Variants in CYFIP1 observed in about 807,000 individuals in gnomAD.
CYFIP1 encodes the protein cytoplasmic FMR1 interacting protein 1, also known as cytoplasmic FMR1-interacting protein 1.
CYFIP1 carries 58 observed loss-of-function variants against 163.5 expected under a neutral mutation model. The ratio of observed to expected loss-of-function variants is 0.35; its 90% CI spans 0.29 to 0.44. The LOEUF (loss-of-function observed/expected upper bound fraction) is 0.44. Among genes scored for constraint, CYFIP1 ranks in the 20% least tolerant of loss-of-function variants. The probability of loss-of-function intolerance (pLI) is 1.00; values close to 1 mark genes in which losing one functional copy is unlikely to be tolerated. For missense variants in CYFIP1, 1,338 were observed against 1,653.8 expected (o/e 0.81, Z 3.31); for synonymous variants, 663 against 660.7 (o/e 1.00, Z -0.05).
At chr15:22,876,100 G>C (rs943844489) in intron 26 of CYFIP1, among the ~76,000 whole-genome samples, 2 of 151,580 alleles carry the variant, frequency 1.3e-5, no homozygotes, top group Admixed American at 1.3e-4. Context: ...CAGTGCCTCC[G>C]ACCCCACAGC....
rs371128814 is a variant in CYFIP1, at chr15:22,873,667, G to A, written c.3273C>T (p.Ser1091=). ...LTKERLCCGL[S]MFEVILTRIR... is the part of the protein sequence containing the mutation. ...TCCGTGTCAGGATGACCTCAAACAT[G>A]GACAGGCCGCAGCAGAGGCGCTCCT... The change falls in exon 29 of 31, where the codon TCC becomes TCT. Residue 1091 remains serine, a synonymous_variant. Coordinates refer to ENST00000617928, the MANE Select transcript of CYFIP1 (RefSeq NM_014608.6). 9.3e-6 allele frequency: 15 copies of A among 1,614,240 alleles called. No homozygotes were observed. The highest frequency in any genetic ancestry group is 6.7e-5 in the Admixed American group (4 of 60,034).
rs569661842 is a variant in CYFIP1 at position 22,882,662 on chromosome 15, C to T, written c.2820+206G>A. Among the ~76,000 whole-genome samples, 19 of 152,212 alleles carry T rather than the reference C, an allele frequency of 1.2e-4. 1 individual carries two copies. Among genetic ancestry groups the T allele is most frequent in the Admixed American group, 1.0e-3 (16 of 15,296 alleles). Reference sequence around the variant, plus strand: ...TCTACACATACAAATAAAAACTCTGCGTATCAGTTAAAATAACCTGGACCC... The same window carrying T: ...TCTACACATACAAATAAAAACTCTGTGTATCAGTTAAAATAACCTGGACCC... On this transcript the variant is annotated intron_variant, in intron 24 of 30. Coordinates refer to ENST00000617928, the MANE Select transcript of CYFIP1 (RefSeq NM_014608.6).
In CYFIP1 at chr15:22,871,699, A is replaced by G. The variant is rs528293160; in HGVS notation, c.3597+1126T>C. On this transcript the variant is annotated intron_variant, in intron 30 of 30. Coordinates refer to ENST00000617928, the MANE Select transcript of CYFIP1 (RefSeq NM_014608.6). ...TTCTCTGGCCGGAGGCAGGAGAGAC[A>G]TGGCAGAAGACTAGAGGCTGAGACT... is the stretch of plus-strand genomic sequence containing the variant. Among the ~76,000 whole-genome samples, 117 of 152,352 alleles carry G rather than the reference A, an allele frequency of 7.7e-4. 1 individual carries two copies. Among genetic ancestry groups the G allele is most frequent in the African/African-American group, 2.7e-3 (111 of 41,588 alleles).
chr15:22,963,303 C>G (rs189500681), intron 1 of CYFIP1, among the ~76,000 whole-genome samples: 2 of 125,160 alleles, frequency 1.6e-5, no homozygotes, highest in Admixed American at 1.5e-4. Context: ...TCAGCCTGAC[C>G]AATATGGAGA....
intron 1 of CYFIP1, among the ~76,000 whole-genome samples, chr15:22,957,729 C>A (rs769447070): frequency 6.6e-6 from 1 of 152,196 alleles, no homozygotes; most frequent in Non-Finnish European, 1.5e-5. Context: ...TTTCTGCAAA[C>A]GTGCACAAGG....
At chr15:22,969,504 C>T (rs914503270) in intron 1 of CYFIP1, among the ~76,000 whole-genome samples, 2 of 152,134 alleles carry the variant, frequency 1.3e-5, no homozygotes, top group Non-Finnish European at 2.9e-5. Flanking sequence ...AAAATTCATA[C>T]AAATGCAAAT....
At chr15:22,940,295 C>A (rs1267719236) in intron 6 of CYFIP1, among the ~76,000 whole-genome samples, 2 of 152,200 alleles carry the variant, frequency 1.3e-5, no homozygotes, top group African/African-American at 2.4e-5. Context: ...TAGGAACGAG[C>A]CCTGCATTTC....
chr15:22,887,665 A>G (rs550119594), intron 23 of CYFIP1, among the ~76,000 whole-genome samples: 165 of 152,244 alleles, frequency 1.1e-3, no homozygotes, highest in African/African-American at 3.8e-3. Context: ...AGCTCACCCC[A>G]AAGATGACAC....
chr15:22,883,114 G>T, intron 23 of CYFIP1, 103 bp from the exon 24 acceptor site: 1 of 1,372,074 alleles, frequency 7.3e-7, no homozygotes, highest in South Asian at 1.4e-5. Context: ...CAGGTGAGCG[G>T]GTCTGAGTCT....
intron 23 of CYFIP1, among the ~76,000 whole-genome samples, chr15:22,886,748 A>G (rs1166587291): frequency 6.6e-6 from 1 of 152,112 alleles, no homozygotes; most frequent in Non-Finnish European, 1.5e-5. Flanking sequence ...AAAAACGTAT[A>G]TATTCTGCTG....
At chr15:22,948,807 G>GT (rs1454537586) in intron 1 of CYFIP1, among the ~76,000 whole-genome samples, 1 of 49,672 alleles carries the variant, frequency 2.0e-5, no homozygotes, top group Non-Finnish European at 3.3e-5. Context: ...CTACTGAAAT[G>GT]TAAAAAAAAA....
chr15:22,872,602 T>C (rs28663171), intron 30 of CYFIP1: 5,462 of 516,432 alleles, frequency 0.011, 225 homozygotes, highest in African/African-American at 0.093. Context: ...GAAGTAAATC[T>C]AAGTACCTTG....
At chr15:22,972,531 A>C (rs1008707282) in intron 1 of CYFIP1, among the ~76,000 whole-genome samples, 1 of 152,216 alleles carries the variant, frequency 6.6e-6, no homozygotes, top group Non-Finnish European at 1.5e-5. Flanking sequence ...ATGGAACAGA[A>C]TAGAGCCTGG....
Position 22,910,751 on chromosome 15 carries a change from C to T in CYFIP1, c.2145G>A (p.Lys715=), listed in dbSNP as rs1192632202. The T allele has an allele frequency of 1.2e-6, 2 of 1,613,700 alleles. No homozygotes were observed. Among genetic ancestry groups the T allele is most frequent in the Non-Finnish European group, 8.5e-7 (1 of 1,179,616 alleles). The stretch of plus-strand genomic sequence containing the variant: ...CAGATACTCACCTTCCTGCCATAAC[C>T]TTATAATAGGCAAATATCTGGTCTG... ...KLADQIFAYY[K]VMAGSLLLDK... Residue 715 remains lysine, a synonymous_variant, in exon 19 of 31, where the codon AAG becomes AAA. Transcript: ENST00000617928.
At chr15:22,947,650 G>A (rs779813838) in intron 1 of CYFIP1, among the ~76,000 whole-genome samples, 2 of 152,156 alleles carry the variant, frequency 1.3e-5, no homozygotes, top group Non-Finnish European at 2.9e-5. Context: ...CCCCCTCAAA[G>A]TGCTGGAGGG....
intron 16 of CYFIP1, among the ~76,000 whole-genome samples, chr15:22,916,263 C>T (rs1009216606): frequency 5.3e-5 from 8 of 152,208 alleles, no homozygotes; most frequent in East Asian, 1.9e-4. Flanking sequence ...AGGGCCAGCC[C>T]GGGCTCCTCA....
chr15:22,920,434 G>A (rs58805715), intron 13 of CYFIP1, among the ~76,000 whole-genome samples: 49,824 of 151,794 alleles, frequency 0.33, 8,935 homozygotes, highest in East Asian at 0.55. Flanking sequence ...ATCACTTTCT[G>A]GTTTTATTCA....
chr15:22,950,710 C>T (rs1201531574), intron 1 of CYFIP1, among the ~76,000 whole-genome samples: 1 of 152,244 alleles, frequency 6.6e-6, no homozygotes, highest in Non-Finnish European at 1.5e-5. Context: ...CAAACCATCC[C>T]CTTGTCCAGC....
intron 21 of CYFIP1, among the ~76,000 whole-genome samples, chr15:22,906,812 A>G (rs979264753): frequency 1.3e-5 from 2 of 152,180 alleles, no homozygotes; most frequent in African/African-American, 4.8e-5. Context: ...TGAAAGATGA[A>G]GTTACAGTTT....
Sources: gnomAD v4.1 joint callset for allele counts (sites outside exome capture counted in the v4.1 genomes callset) on GRCh38, gnomAD v4.1.1 for gene constraint, MANE v1.5 for transcripts, NCBI Gene and HGNC (gene_info 2026-07-23, HGNC 2026-07-21) for gene names.